The following LRRC72 variants were observed in gnomAD, a reference collection of about 807,000 sequenced individuals.
LRRC72 encodes leucine rich repeat containing 72.
LRRC72 carries 41 observed loss-of-function variants against 35.8 expected under a neutral mutation model. The observed-to-expected ratio is 1.15, with a 90% CI of 0.89 to 1.49. The LOEUF is 1.49. Among genes scored for constraint, LRRC72 ranks in the 40% most tolerant of loss-of-function variants. The pLI, the probability that LRRC72 is intolerant of heterozygous loss-of-function variation, is 0.00. For synonymous variants in LRRC72, 118 were observed against 119.2 expected, an observed-to-expected ratio of 0.99 and a Z score of 0.07; for missense variants, 389 against 330.7, an observed-to-expected ratio of 1.18 and a Z score of -1.37.
intron 1 of LRRC72, among the ~76,000 whole-genome samples, chr7:16,529,592 A>G (rs1782128891): frequency 6.6e-6 from 1 of 152,202 alleles, no homozygotes; most frequent in African/African-American, 2.4e-5. Context: ...TTGTTCCACC[A>G]TGGATTCACT....
In LRRC72 at chr7:16,580,114, A is replaced by T; in HGVS notation, c.698+13A>T. 3 of 390,122 alleles carry T rather than the reference A, an allele frequency of 7.7e-6. No individual in the cohort carries two copies. The highest frequency in any genetic ancestry group is 7.6e-5 in the South Asian group (3 of 39,636). The allele number at this position is 390,122 out of a possible 1,614,324, so 24.2% of individuals were successfully genotyped here. On this transcript the variant is annotated intron_variant, in intron 8 of 8. Coordinates refer to ENST00000401542, the MANE Select transcript of LRRC72 (RefSeq NM_001195280.2). ...ATAATGTAGACAAGTAAGTAATTTT[A>T]TCTATACATTTATTATCAGATTATT...
chr7:16,532,753 A>G (rs986562493), intron 2 of LRRC72, 185 bp downstream of exon 2: 10 of 181,520 alleles, frequency 5.5e-5, no homozygotes, highest in Non-Finnish European at 9.4e-5. Flanking sequence ...AAATTGATTA[A>G]AAAAAAAAAA....
intron 3 of LRRC72, among the ~76,000 whole-genome samples, chr7:16,546,975 C>T (rs576760249): frequency 3.3e-5 from 5 of 152,298 alleles, no homozygotes; most frequent in African/African-American, 1.2e-4. Context: ...ACAGTGGCAG[C>T]AGGAGCAGCT....
At chr7:16,547,306 G>A (rs546646062) in intron 3 of LRRC72, among the ~76,000 whole-genome samples, 38 of 152,260 alleles carry the variant, frequency 2.5e-4, no homozygotes, top group African/African-American at 8.4e-4. Context: ...GGTTGGGCAC[G>A]GAGTGGGGGG....
At chr7:16,572,103 C>G (rs1213090099) in intron 7 of LRRC72, among the ~76,000 whole-genome samples, 2 of 152,116 alleles carry the variant, frequency 1.3e-5, no homozygotes, top group African/African-American at 4.8e-5. Flanking sequence ...CAGGACTAAA[C>G]CAGGAAGAAC....
intron 2 of LRRC72, among the ~76,000 whole-genome samples, chr7:16,536,633 A>G (rs1272162993): frequency 6.6e-6 from 1 of 151,188 alleles, no homozygotes; most frequent in Non-Finnish European, 1.5e-5. Flanking sequence ...ACATTTTTCA[A>G]TATAAAAAGT....
rs924286832 is a variant in LRRC72, at chr7:16,526,845, C to T, written c.-108C>T. The T allele has an allele frequency of 4.7e-6, 4 of 851,778 alleles. No homozygotes were observed. Among genetic ancestry groups the T allele is most frequent in the Non-Finnish European group, 7.6e-6 (4 of 529,178 alleles). 52.8% of individuals were successfully genotyped at this position (851,778 alleles called of 1,614,324 possible). ...CTTTTAGTCAACGGGAATGCGGTAA[C>T]TGTTGGTAACAGAACAACGAGCTGT... On this transcript the variant is annotated 5_prime_UTR_variant, in exon 1 of 9. Coordinates refer to ENST00000401542, the MANE Select transcript of LRRC72 (RefSeq NM_001195280.2).
chr7:16,545,918 C>T (rs545359025), intron 3 of LRRC72, among the ~76,000 whole-genome samples: 12 of 152,110 alleles, frequency 7.9e-5, no homozygotes, highest in East Asian at 3.9e-4. Flanking sequence ...GAGGGAAAAA[C>T]ATGAGAATGA....
chr7:16,566,458 C>T (rs946738228), intron 6 of LRRC72, 56 bp downstream of exon 6: 5 of 1,198,054 alleles, frequency 4.2e-6, no homozygotes, highest in Non-Finnish European at 5.7e-6. Flanking sequence ...TATAGCTCAG[C>T]GGTTTAAAAA....
intron 1 of LRRC72, among the ~76,000 whole-genome samples, chr7:16,531,578 A>G (rs1177555749): frequency 6.6e-6 from 1 of 152,200 alleles, no homozygotes; most frequent in African/African-American, 2.4e-5. Context: ...TTCATAACAA[A>G]TCCCAGCTAA....
chr7:16,569,868 T>G (rs1031407962), intron 7 of LRRC72, among the ~76,000 whole-genome samples: 7 of 151,820 alleles, frequency 4.6e-5, no homozygotes, highest in African/African-American at 1.5e-4. Flanking sequence ...CAGTCTCTAT[T>G]AAAAATGCAA....
At chr7:16,536,374 T>C (rs1782257754) in intron 2 of LRRC72, among the ~76,000 whole-genome samples, 1 of 152,102 alleles carries the variant, frequency 6.6e-6, no homozygotes, top group Non-Finnish European at 1.5e-5. Context: ...CAATTTCATC[T>C]TCTTAGGTGT....
At chr7:16,562,170 G>A (rs1382128572) in intron 5 of LRRC72, among the ~76,000 whole-genome samples, 1 of 152,078 alleles carries the variant, frequency 6.6e-6, no homozygotes, top group Non-Finnish European at 1.5e-5. Context: ...CCTGTCTTCA[G>A]GCAGAGTCAG....
intron 3 of LRRC72, among the ~76,000 whole-genome samples, chr7:16,540,693 A>T (rs544122929): frequency 1.3e-5 from 2 of 152,132 alleles, no homozygotes; most frequent in South Asian, 2.1e-4. Flanking sequence ...TGTTCTCATG[A>T]TAGTGAATGA....
intron 3 of LRRC72, among the ~76,000 whole-genome samples, chr7:16,553,630 G>A (rs763480801): frequency 3.9e-5 from 6 of 152,166 alleles, no homozygotes; most frequent in South Asian, 2.1e-4. Flanking sequence ...TGATTGGGAC[G>A]TGTATGCTAC....
At position 16,567,381 on chromosome 7, in the gene LRRC72, C is replaced by T. The variant is rs1057217557; in HGVS notation, c.518-10C>T. 6 of 1,443,000 alleles carry T rather than the reference C, an allele frequency of 4.2e-6. No individual in the cohort carries two copies. The African/African-American group carries it at 7.2e-5, about 17-fold the overall frequency. 89.4% of individuals were successfully genotyped at this position (1,443,000 alleles called of 1,614,324 possible). A position where few individuals can be genotyped will look rare whatever the true frequency, so the allele number is the denominator to read the frequency against. On this transcript the variant is annotated splice_polypyrimidine_tract_variant and intron_variant, in intron 6 of 8. Transcript: ENST00000401542. ...TGTTATGCAATAACATTACTTTTTG[C>T]ATTTATCAGAAGTTACAGAAAAAGA...
At chr7:16,559,213 G>A (rs1238552580) in intron 5 of LRRC72, among the ~76,000 whole-genome samples, 4 of 152,006 alleles carry the variant, frequency 2.6e-5, no homozygotes, top group Non-Finnish European at 4.4e-5. Context: ...GAGCAACATG[G>A]CAAAACCCTG....
chr7:16,567,277 G>A (rs1782861626), intron 6 of LRRC72, 114 bp from the exon 7 acceptor site: 3 of 789,204 alleles, frequency 3.8e-6, no homozygotes, highest in Non-Finnish European at 5.6e-6. Context: ...TTGACAGGAT[G>A]TTCTCATATA....
intron 3 of LRRC72, among the ~76,000 whole-genome samples, chr7:16,541,975 C>T (rs1384507902): frequency 6.6e-6 from 1 of 151,460 alleles, no homozygotes; most frequent in Non-Finnish European, 1.5e-5. Context: ...ACAGCCAAAA[C>T]TTGTCCTCGG....
Sources: allele counts gnomAD v4.1 joint callset (sites outside exome capture counted in the v4.1 genomes callset), GRCh38; gene constraint gnomAD v4.1.1; transcripts MANE v1.5; gene names NCBI Gene and HGNC (gene_info 2026-07-23, HGNC 2026-07-21).